The following FNBP1 variants were observed in gnomAD, a reference collection of about 807,000 sequenced individuals.
FNBP1 encodes formin-binding protein 1.
FNBP1 carries 26 observed loss-of-function variants against 90.6 expected under a neutral mutation model. The ratio of observed to expected loss-of-function variants is 0.29; its 90% CI spans 0.21 to 0.40. FNBP1 has a LOEUF of 0.40. Ranked by LOEUF, FNBP1 falls within the 10% of genes least tolerant of loss-of-function variation. The pLI is 1.00. For synonymous variants in FNBP1, 260 were observed against 265.2 expected, an observed-to-expected ratio of 0.98 and a Z score of 0.19; for missense variants, 635 against 768.0, an observed-to-expected ratio of 0.83 and a Z score of 2.05.
At chr9:129,955,700 G>A (rs1317613806) in intron 6 of FNBP1, among the ~76,000 whole-genome samples, 7 of 150,980 alleles carry the variant, frequency 4.6e-5, no homozygotes, top group South Asian at 4.2e-4. Context: ...CAGCCTAGGC[G>A]ATACAGCGAG....
chr9:129,996,800 C>T (rs2054072987), intron 1 of FNBP1, among the ~76,000 whole-genome samples: 1 of 151,994 alleles, frequency 6.6e-6, no homozygotes, highest in South Asian at 2.1e-4. Context: ...CTCAAGTGAT[C>T]CTCCCACTTC....
intron 1 of FNBP1, among the ~76,000 whole-genome samples, chr9:130,007,748 G>A (rs968821494): frequency 3.3e-5 from 5 of 152,138 alleles, no homozygotes; most frequent in Admixed American, 1.3e-4. Flanking sequence ...CGGCGTGGTG[G>A]CTCACGCCTG....
intron 6 of FNBP1, among the ~76,000 whole-genome samples, chr9:129,947,209 G>T (rs771906778): frequency 5.3e-5 from 8 of 152,116 alleles, no homozygotes; most frequent in Non-Finnish European, 8.8e-5. Flanking sequence ...GGGAGGCCAA[G>T]GTGGGTGGAT....
At chr9:130,018,210 G>A (rs1475689277) in intron 1 of FNBP1, among the ~76,000 whole-genome samples, 1 of 151,192 alleles carries the variant, frequency 6.6e-6, no homozygotes, top group Non-Finnish European at 1.5e-5. Flanking sequence ...CACTGGGCCC[G>A]GCTAATACTC....
intron 15 of FNBP1, among the ~76,000 whole-genome samples, chr9:129,897,243 T>TA (rs751961996): frequency 6.6e-6 from 1 of 152,168 alleles, no homozygotes; most frequent in Non-Finnish European, 1.5e-5. Flanking sequence ...GGCATCTCTG[T>TA]ATCCATTCCT....
At chr9:129,993,495 A>AAG (rs1648051800) in intron 2 of FNBP1, among the ~76,000 whole-genome samples, 1 of 149,902 alleles carries the variant, frequency 6.7e-6, no homozygotes, top group South Asian at 2.1e-4. Context: ...AAAAAAAAAA[A>AAG]CAGAGACAGG....
chr9:129,925,067 T>C lies in FNBP1; in HGVS notation c.880A>G (p.Thr294Ala). 2 of 1,613,956 alleles carry C rather than the reference T, an allele frequency of 1.2e-6. No individual in the cohort carries two copies. The highest frequency in any genetic ancestry group is 1.7e-6 in the Non-Finnish European group (2 of 1,179,834). Residue 294 changes from threonine to alanine, a missense_variant, in exon 9 of 17, where the codon ACT becomes GCT. By Grantham distance (58) the Thr-to-Ala change is moderately conservative. Transcript: ENST00000446176. Reference sequence around the variant, plus strand: ...TTTGAAAGGCTGTTATCTGACACAGTGCGCTTCATTGGCTGAGTGTAATCC... The same window carrying C: ...TTTGAAAGGCTGTTATCTGACACAGCGCGCTTCATTGGCTGAGTGTAATCC... The part of the protein sequence containing the change: ...FEDYTQPMKR[T>A]VSDNSLSNSR...
chr9:129,916,255 T>G, intron 10 of FNBP1: 26 of 434,772 alleles, frequency 6.0e-5, no homozygotes, highest in East Asian at 1.6e-4. Context: ...TACAGGCCTG[T>G]ACTGGCCACC....
chr9:129,970,880 TTTTTG>T (rs1022792626), intron 4 of FNBP1, among the ~76,000 whole-genome samples: 4 of 152,014 alleles, frequency 2.6e-5, no homozygotes, highest in African/African-American at 7.2e-5. Context: ...GTGAATCTGC[TTTTTG>T]TTTTGTTTTG....
chr9:129,972,066 A>G (rs970707930), intron 4 of FNBP1, among the ~76,000 whole-genome samples: 15 of 152,208 alleles, frequency 9.9e-5, no homozygotes, highest in African/African-American at 3.6e-4. Context: ...CACGAAAAAT[A>G]GTAGCTGGGT....
At chr9:129,935,097 G>A (rs2043228110) in intron 6 of FNBP1, among the ~76,000 whole-genome samples, 1 of 150,212 alleles carries the variant, frequency 6.7e-6, no homozygotes, top group Admixed American at 6.7e-5. Flanking sequence ...TGGCCTAAAT[G>A]TGTGGCTATT....
chr9:129,972,885 T>A (rs2049706372), intron 4 of FNBP1, among the ~76,000 whole-genome samples: 1 of 152,204 alleles, frequency 6.6e-6, no homozygotes, highest in South Asian at 2.1e-4. Context: ...AGTAACAGAA[T>A]GATTACAGCA....
At chr9:129,974,395 C>G (rs927871402) in intron 4 of FNBP1, among the ~76,000 whole-genome samples, 1 of 152,078 alleles carries the variant, frequency 6.6e-6, no homozygotes, top group Non-Finnish European at 1.5e-5. Context: ...TAATCTATAG[C>G]AAGCATGAGG....
At chr9:130,048,165 C>CA (rs148399244), upstream of FNBP1, among the ~76,000 whole-genome samples, 84,483 of 150,198 alleles carry the variant, frequency 0.56, 24,135 homozygotes, top group East Asian at 0.82. Context: ...ACTAAAAATA[C>CA]AAAAAAATTA....
chr9:129,964,234 A>C (rs748638905), intron 4 of FNBP1, among the ~76,000 whole-genome samples: 2 of 152,202 alleles, frequency 1.3e-5, no homozygotes, highest in Non-Finnish European at 2.9e-5. Context: ...TGTGCCTGCA[A>C]GCACTAAAGA....
In FNBP1 at chr9:129,902,871, C is replaced by T; in HGVS notation, c.1426G>A (p.Glu476Lys). ...EKLRVETQKF[E>K]AWLAEVEGRL... The stretch of plus-strand genomic sequence containing the variant: ...TTTCCACAACAGAAGTTTCATACCT[C>T]AAATTTCTGGGTCTCTACTCGCAGT... Residue 476 changes from glutamate to lysine, a missense_variant and splice_region_variant, in exon 13 of 17, where the codon GAG becomes AAG. Coordinates refer to ENST00000446176, the MANE Select transcript of FNBP1 (RefSeq NM_015033.3). The T allele has an allele frequency of 6.2e-7, 1 of 1,613,342 alleles. No individual in the cohort carries two copies. Among genetic ancestry groups the T allele is most frequent in the Non-Finnish European group, 8.5e-7 (1 of 1,179,806 alleles).
At chr9:130,039,280 T>C (rs971898995) in intron 1 of FNBP1, among the ~76,000 whole-genome samples, 1 of 152,252 alleles carries the variant, frequency 6.6e-6, no homozygotes, top group Non-Finnish European at 1.5e-5. Flanking sequence ...CACACCATAG[T>C]TGTTCAATAA....
At position 129,887,730 on chromosome 9, in the gene FNBP1, C is replaced by T. The variant is rs1017527041; in HGVS notation, c.*2809G>A. 3 of 224,594 alleles carry T rather than the reference C, an allele frequency of 1.3e-5. No individual in the cohort carries two copies. The South Asian group carries it at 5.5e-4, about 41-fold the overall frequency. The allele number at this position is 224,594 out of a possible 1,614,324, so 13.9% of individuals were successfully genotyped here. A position where few individuals can be genotyped will look rare whatever the true frequency, so the allele number is the denominator to read the frequency against. On this transcript the variant is annotated 3_prime_UTR_variant, in exon 17 of 17. Transcript: ENST00000446176. Reference sequence around the variant, plus strand: ...GAAAAACTGGGTAAAGGACAAGTTCCTCCCTTTCACTGCGTTTCTAAGAAC... The same window carrying T: ...GAAAAACTGGGTAAAGGACAAGTTCTTCCCTTTCACTGCGTTTCTAAGAAC...
chr9:129,899,548 T>C (rs2036457969), intron 15 of FNBP1, among the ~76,000 whole-genome samples: 1 of 151,980 alleles, frequency 6.6e-6, no homozygotes, highest in Non-Finnish European at 1.5e-5. Flanking sequence ...CTGTCTCTAC[T>C]GAAAAGTACA....
Sources: allele counts gnomAD v4.1 joint callset (sites outside exome capture counted in the v4.1 genomes callset), GRCh38; gene constraint gnomAD v4.1.1; transcripts MANE v1.5; gene names NCBI Gene and HGNC (gene_info 2026-07-23, HGNC 2026-07-21).